The following CTNNA3 variants were observed in gnomAD, a reference collection of about 807,000 sequenced individuals.
CTNNA3 encodes catenin alpha-3.
Under a neutral mutation model 95.7 loss-of-function variants are expected in CTNNA3, and 76 were observed. The ratio of observed to expected loss-of-function variants is 0.79; its 90% CI spans 0.66 to 0.96. The LOEUF is 0.96. Ranked by LOEUF, CTNNA3 falls within the 40% of genes least tolerant of loss-of-function variation. CTNNA3 has a pLI of 0.00. For missense variants in CTNNA3, 1,191 were observed against 1,089.8 expected (o/e 1.09, Z -1.31); for synonymous variants, 431 against 374.4 (o/e 1.15, Z -1.74).
chr10:67,580,281 A>C (rs921317946), intron 3 of CTNNA3, among the ~76,000 whole-genome samples: 63 of 152,220 alleles, frequency 4.1e-4, no homozygotes, highest in Non-Finnish European at 7.9e-4. Context: ...TATGGCTAGC[A>C]AGTTTTCCCA....
At chr10:66,696,586 A>G (rs1409627138) in intron 9 of CTNNA3, among the ~76,000 whole-genome samples, 2 of 152,280 alleles carry the variant, frequency 1.3e-5, no homozygotes, top group South Asian at 2.1e-4. Context: ...AATAGTTATG[A>G]GGAAAAAAAT....
chr10:65,944,636 C>T (rs2077481407), intron 17 of CTNNA3, among the ~76,000 whole-genome samples: 2 of 152,156 alleles, frequency 1.3e-5, no homozygotes, highest in Admixed American at 1.3e-4. Context: ...TATGTCCATG[C>T]ATATTAAGCC....
chr10:66,447,964 T>C (rs558530527), intron 11 of CTNNA3, among the ~76,000 whole-genome samples: 1 of 152,012 alleles, frequency 6.6e-6, no homozygotes, highest in African/African-American at 2.4e-5. Context: ...TACAATGAAC[T>C]CAAACAAATT....
At chr10:67,194,870 CT>C (rs145282920) in intron 6 of CTNNA3, among the ~76,000 whole-genome samples, 12,600 of 151,836 alleles carry the variant, frequency 0.083, 608 homozygotes, top group South Asian at 0.2. Context: ...TCTAAAACTG[CT>C]CTAAAATAAA....
chr10:67,412,613 G>A (rs1471495513), intron 5 of CTNNA3, among the ~76,000 whole-genome samples: 2 of 152,162 alleles, frequency 1.3e-5, no homozygotes, highest in East Asian at 1.9e-4. Flanking sequence ...GAGAGAAAGT[G>A]CAGGTCACCT....
At position 66,927,905 on chromosome 10, in the gene CTNNA3, T is replaced by G; in HGVS notation, c.1048-152381A>C. 6.2e-7 allele frequency: 1 copy of G among 1,614,204 alleles called. No individual in the cohort carries two copies. The highest frequency in any genetic ancestry group is 8.5e-7 in the Non-Finnish European group (1 of 1,180,044). ...TCCCTTGTAAACTGGCTGAAAAGTT[T>G]TAAAGGTCTAAGGGAGAATACAATT... On this transcript the variant is annotated intron_variant, in intron 7 of 17. Coordinates refer to ENST00000433211, the MANE Select transcript of CTNNA3 (RefSeq NM_013266.4). The surrounding 1 kb of genome is among the most constrained non-coding windows in gnomAD (Gnocchi z 4.7).
At chr10:66,466,354 A>ACACG (rs1479006184) in intron 11 of CTNNA3, among the ~76,000 whole-genome samples, 1 of 150,042 alleles carries the variant, frequency 6.7e-6, no homozygotes, top group Admixed American at 6.6e-5. Context: ...ACACACACAC[A>ACACG]CACACACACA....
intron 5 of CTNNA3, among the ~76,000 whole-genome samples, chr10:67,256,014 A>C (rs1307067360): frequency 6.6e-6 from 1 of 152,030 alleles, no homozygotes; most frequent in Admixed American, 6.6e-5. Context: ...TATATAACAG[A>C]TAAAAGAGAC....
intron 15 of CTNNA3, among the ~76,000 whole-genome samples, chr10:66,007,091 T>C (rs2078902573): frequency 6.6e-6 from 1 of 152,152 alleles, no homozygotes; most frequent in Non-Finnish European, 1.5e-5. Context: ...AAGCTTACTA[T>C]TTTCAATCAG....
In CTNNA3 at chr10:66,720,518, C is replaced by T. The variant is rs1324024392; in HGVS notation, c.1281+45746G>A. Among the ~76,000 whole-genome samples the T allele has an allele frequency of 2.0e-5, 3 of 152,196 alleles. No homozygotes were observed. The East Asian group carries it at 5.8e-4, about 30-fold the overall frequency. ...CTCTCTCTAATGTGACTGAGGAAAACAGAAGGAAGGTAGGCAAAGGAGATC... is the reference window on the plus strand; with the variant it reads ...CTCTCTCTAATGTGACTGAGGAAAATAGAAGGAAGGTAGGCAAAGGAGATC... On this transcript the variant is annotated intron_variant, in intron 9 of 17. Coordinates refer to ENST00000433211, the MANE Select transcript of CTNNA3 (RefSeq NM_013266.4).
At position 66,964,685 on chromosome 10, in the gene CTNNA3, C is replaced by T. The variant is rs531329530; in HGVS notation, c.1048-189161G>A. On this transcript the variant is annotated intron_variant, in intron 7 of 17. Transcript: ENST00000433211. ...TCACAGGACTGAGTCACCAATTATA[C>T]CTACAGCCTGCACTTGGTTTTCTTC... 1.3e-4 allele frequency among the ~76,000 whole-genome samples: 20 copies of T among 152,200 alleles called. 1 individual carries two copies. The South Asian group carries it at 4.1e-3, about 32-fold the overall frequency.
intron 9 of CTNNA3, among the ~76,000 whole-genome samples, chr10:66,705,166 A>G (rs1848076046): frequency 6.6e-6 from 1 of 151,994 alleles, no homozygotes; most frequent in Non-Finnish European, 1.5e-5. Flanking sequence ...GTAACCTTAC[A>G]TTGATTTGTT....
At chr10:67,605,402 G>A (rs976359158) in intron 3 of CTNNA3, among the ~76,000 whole-genome samples, 1 of 152,064 alleles carries the variant, frequency 6.6e-6, no homozygotes, top group African/African-American at 2.4e-5. Context: ...GCAAATCAAA[G>A]GATACAAAGT....
chr10:66,601,232 A>T (rs1843911341), intron 10 of CTNNA3, among the ~76,000 whole-genome samples: 1 of 151,866 alleles, frequency 6.6e-6, no homozygotes, highest in Non-Finnish European at 1.5e-5. Context: ...TCAAAAGCAG[A>T]TTCATGACTT....
intron 4 of CTNNA3, among the ~76,000 whole-genome samples, chr10:67,524,369 G>A (rs1234652293): frequency 1.4e-5 from 2 of 139,008 alleles, no homozygotes; most frequent in Admixed American, 7.9e-5. Flanking sequence ...CTGCACTCCA[G>A]CCTGGGCGAC....
chr10:66,044,030 A>G (rs929495438), intron 15 of CTNNA3, among the ~76,000 whole-genome samples: 10 of 149,524 alleles, frequency 6.7e-5, no homozygotes, highest in African/African-American at 2.5e-4. Flanking sequence ...GAGTCTCACT[A>G]TGTCACCCAA....
chr10:67,405,337 G>A (rs1249589476), intron 5 of CTNNA3, among the ~76,000 whole-genome samples: 1 of 152,088 alleles, frequency 6.6e-6, no homozygotes, highest in Non-Finnish European at 1.5e-5. Flanking sequence ...TAAAAATAAA[G>A]GGATGGAGGA....
intron 7 of CTNNA3, among the ~76,000 whole-genome samples, chr10:67,160,646 A>T (rs1209394738): frequency 2.0e-5 from 3 of 152,020 alleles, no homozygotes; most frequent in Non-Finnish European, 2.9e-5. Context: ...CATGTTCCCC[A>T]GGATGGTCTT....
At chr10:66,728,642 T>C (rs1272579621) in intron 9 of CTNNA3, among the ~76,000 whole-genome samples, 1 of 152,140 alleles carries the variant, frequency 6.6e-6, no homozygotes, top group Non-Finnish European at 1.5e-5. Flanking sequence ...CAGGCTGGAG[T>C]GCAGTGGTGC....
Sources: gnomAD v4.1 joint callset for allele counts (sites outside exome capture counted in the v4.1 genomes callset) on GRCh38, gnomAD v4.1.1 for gene constraint, Gnocchi (gnomAD v3.1) non-coding constraint, MANE v1.5 for transcripts, NCBI Gene and HGNC (gene_info 2026-07-23, HGNC 2026-07-21) for gene names.